Variants in TNNI3K observed in about 807,000 individuals in gnomAD.
The protein encoded by TNNI3K is serine/threonine-protein kinase TNNI3K.
A neutral mutation model predicts 114.5 loss-of-function variants in TNNI3K; 140 were observed. That is an observed-to-expected ratio of 1.22 (90% CI 1.07 to 1.41). TNNI3K has a LOEUF of 1.41. Among genes scored for constraint, TNNI3K ranks in the 40% most tolerant of loss-of-function variants. The pLI, the probability that TNNI3K is intolerant of heterozygous loss-of-function variation, is 0.00. For synonymous variants in TNNI3K, 347 were observed against 347.5 expected, an observed-to-expected ratio of 1.00 and a Z score of 0.02; for missense variants, 1,125 against 1,007.6, an observed-to-expected ratio of 1.12 and a Z score of -1.58.
intron 9 of TNNI3K, among the ~76,000 whole-genome samples, chr1:74,352,572 C>G (rs1364370752): frequency 1.3e-5 from 2 of 152,216 alleles, no homozygotes; most frequent in Non-Finnish European, 2.9e-5. Context: ...AGAGGTGGAG[C>G]CTACAGAGGC....
chr1:74,354,487 G>A (rs1412401053), intron 11 of TNNI3K, among the ~76,000 whole-genome samples: 1 of 149,510 alleles, frequency 6.7e-6, no homozygotes, highest in Non-Finnish European at 1.5e-5. Context: ...AAATTTATAA[G>A]AAAGAAGTAC....
intron 21 of TNNI3K, among the ~76,000 whole-genome samples, chr1:74,473,687 A>G (rs2100743408): frequency 6.6e-6 from 1 of 152,144 alleles, no homozygotes; most frequent in Middle Eastern, 3.4e-3. Context: ...TCTAATTCCA[A>G]TCTAAGATCT....
chr1:74,540,404 G>A, intron 24 of TNNI3K, 91 bp downstream of exon 24: 4 of 1,180,584 alleles, frequency 3.4e-6, no homozygotes, highest in Non-Finnish European at 1.2e-6. Context: ...ATTGCATATT[G>A]TAATATCCAA....
intron 23 of TNNI3K, among the ~76,000 whole-genome samples, chr1:74,504,125 C>A (rs1264478574): frequency 6.6e-6 from 1 of 152,150 alleles, no homozygotes; most frequent in Non-Finnish European, 1.5e-5. Flanking sequence ...CACATATACA[C>A]GAAAAGTGAA....
intron 2 of TNNI3K, among the ~76,000 whole-genome samples, chr1:74,248,027 G>A (rs988975299): frequency 3.9e-5 from 6 of 152,104 alleles, no homozygotes; most frequent in Admixed American, 1.3e-4. Flanking sequence ...TGGGCATGGC[G>A]GGCTGCAGGT....
At chr1:74,338,243 C>CT (rs902333002) in intron 7 of TNNI3K, among the ~76,000 whole-genome samples, 18 of 151,554 alleles carry the variant, frequency 1.2e-4, no homozygotes, top group African/African-American at 3.9e-4. Flanking sequence ...TATTACTATA[C>CT]TTTTTAATAG....
At chr1:74,304,654 G>A (rs1218107757) in intron 5 of TNNI3K, among the ~76,000 whole-genome samples, 4 of 151,758 alleles carry the variant, frequency 2.6e-5, no homozygotes, top group East Asian at 1.9e-4. Flanking sequence ...TATGTTTCCC[G>A]GGCTTGTCTC....
intron 19 of TNNI3K, among the ~76,000 whole-genome samples, chr1:74,436,752 T>A (rs560961430): frequency 6.6e-6 from 1 of 152,144 alleles, no homozygotes; most frequent in East Asian, 1.9e-4. Flanking sequence ...ATGGATAAAA[T>A]AATACAGAAT....
At chr1:74,363,922 A>AT (rs992910863) in intron 11 of TNNI3K, among the ~76,000 whole-genome samples, 3 of 772 alleles carry the variant, frequency 3.9e-3, no homozygotes, top group Admixed American at 0.038. Flanking sequence ...TAAATAAAAA[A>AT]TAAAAAAAAA....
chr1:74,315,157 G>A (rs919746793), intron 5 of TNNI3K, among the ~76,000 whole-genome samples: 2 of 152,124 alleles, frequency 1.3e-5, no homozygotes, highest in Non-Finnish European at 2.9e-5. Context: ...TTTTGATTTA[G>A]TAATGTGAAT....
At chr1:74,264,811 G>A (rs1429307154) in intron 4 of TNNI3K, among the ~76,000 whole-genome samples, 1 of 152,034 alleles carries the variant, frequency 6.6e-6, no homozygotes, top group African/African-American at 2.4e-5. Flanking sequence ...TATTCTCATA[G>A]AAGTAGGCCA....
intron 11 of TNNI3K, among the ~76,000 whole-genome samples, chr1:74,359,778 A>G (rs891571539): frequency 6.6e-6 from 1 of 152,046 alleles, no homozygotes; most frequent in Non-Finnish European, 1.5e-5. Flanking sequence ...ATTTGTGATC[A>G]TATTTTCAAA....
intron 17 of TNNI3K, among the ~76,000 whole-genome samples, chr1:74,432,587 A>G (rs964535243): frequency 6.6e-6 from 1 of 152,090 alleles, no homozygotes; most frequent in African/African-American, 2.4e-5. Flanking sequence ...AGCCTATGAC[A>G]TAGCATCCAA....
At chr1:74,396,778 C>T (rs1664104356) in intron 17 of TNNI3K, among the ~76,000 whole-genome samples, 1 of 152,104 alleles carries the variant, frequency 6.6e-6, no homozygotes, top group Non-Finnish European at 1.5e-5. Context: ...TGAGAACCAA[C>T]AAGAAAAAGA....
At chr1:74,330,152 A>G (rs1360066733) in intron 5 of TNNI3K, among the ~76,000 whole-genome samples, 1 of 152,072 alleles carries the variant, frequency 6.6e-6, no homozygotes, top group African/African-American at 2.4e-5. Context: ...TTGTTGTGAA[A>G]GGTAGCAAAA....
intron 16 of TNNI3K, 180 bp downstream of exon 16, chr1:74,369,765 A>G (rs556252582): frequency 1.5e-6 from 1 of 656,860 alleles, no homozygotes; most frequent in African/African-American, 1.9e-5. Context: ...AATGAATAGA[A>G]ATACTTTATG....
At chr1:74,251,386 G>C (rs894081722) in intron 4 of TNNI3K, among the ~76,000 whole-genome samples, 1 of 92,938 alleles carries the variant, frequency 1.1e-5, no homozygotes, top group African/African-American at 3.7e-5. Context: ...ATTATGCATT[G>C]ATCATTTTAT....
rs1167058081 is a variant in TNNI3K, at chr1:74,483,297, T to A, written c.2122-5892T>A. On this transcript the variant is annotated intron_variant, in intron 21 of 24. Coordinates refer to ENST00000326637, the MANE Select transcript of TNNI3K (RefSeq NM_015978.3). ...GGTTAGCTGGTGACAGAGGGTTACA[T>A]CTTTGGTGCACACCACACATGACTC... 11 of 717,430 alleles carry A rather than the reference T, an allele frequency of 1.5e-5. No homozygotes were observed. The Admixed American group carries it at 2.0e-4, about 13-fold the overall frequency. The allele number at this position is 717,430 out of a possible 1,614,324, so 44.4% of individuals were successfully genotyped here. A position where few individuals can be genotyped will look rare whatever the true frequency, so the allele number is the denominator to read the frequency against.
At chr1:74,347,138 TA>T (rs1409212900) in intron 9 of TNNI3K, among the ~76,000 whole-genome samples, 18 of 140,114 alleles carry the variant, frequency 1.3e-4, no homozygotes, top group Non-Finnish European at 2.2e-4. Flanking sequence ...CTCCTAATGC[TA>T]TCCCTCCCCC....
Sources: gnomAD v4.1 joint callset for allele counts (sites outside exome capture counted in the v4.1 genomes callset) on GRCh38, gnomAD v4.1.1 for gene constraint, MANE v1.5 for transcripts, NCBI Gene and HGNC (gene_info 2026-07-23, HGNC 2026-07-21) for gene names.